Variants in IQCM observed in about 807,000 individuals in gnomAD.
The protein encoded by IQCM is IQ domain-containing protein M.
A neutral mutation model predicts 57.6 loss-of-function variants in IQCM; 45 were observed. The observed-to-expected ratio is 0.78, with a 90% CI of 0.62 to 1.00. IQCM has a LOEUF of 1.00. Among genes scored for constraint, IQCM ranks in the 50% least tolerant of loss-of-function variants. The pLI is 0.00. For synonymous variants in IQCM, 148 were observed against 158.9 expected (o/e 0.93, Z 0.51); for missense variants, 468 against 511.6 (o/e 0.91, Z 0.82).
At chr4:149,724,468 C>G (rs529212953) in intron 5 of IQCM, among the ~76,000 whole-genome samples, 82 of 152,046 alleles carry the variant, frequency 5.4e-4, no homozygotes, top group Non-Finnish European at 1.1e-3. Flanking sequence ...AACACTCTCT[C>G]TTTCTCTCTC....
At chr4:149,469,330 C>G (rs1300535456) in intron 12 of IQCM, among the ~76,000 whole-genome samples, 2 of 152,138 alleles carry the variant, frequency 1.3e-5, no homozygotes, top group Admixed American at 6.6e-5. Context: ...GACGAATCCA[C>G]AAGCTTCAGC....
chr4:149,505,789 T>C (rs943923132), intron 12 of IQCM, among the ~76,000 whole-genome samples: 1 of 152,208 alleles, frequency 6.6e-6, no homozygotes, highest in Non-Finnish European at 1.5e-5. Context: ...AGAAAATCAA[T>C]ATAAAAAATC....
intron 12 of IQCM, among the ~76,000 whole-genome samples, chr4:149,534,169 T>G (rs927549967): frequency 1.6e-4 from 25 of 152,136 alleles, no homozygotes; most frequent in Admixed American, 7.9e-4. Flanking sequence ...TACAATTTAT[T>G]TAAACACATA....
At chr4:149,471,221 G>C (rs1206955825) in intron 12 of IQCM, among the ~76,000 whole-genome samples, 1 of 152,052 alleles carries the variant, frequency 6.6e-6, no homozygotes, top group East Asian at 1.9e-4. Context: ...TAGACCTCTA[G>C]CAAGACCAAC....
intron 12 of IQCM, among the ~76,000 whole-genome samples, chr4:149,462,447 G>A (rs1455653198): frequency 6.6e-6 from 1 of 152,136 alleles, no homozygotes; most frequent in African/African-American, 2.4e-5. Flanking sequence ...AAAAACATAG[G>A]AGGTAGAGGA....
Position 149,733,521 on chromosome 4 carries a change from C to T in IQCM, c.121-13G>A, listed in dbSNP as rs1766657505. On this transcript the variant is annotated splice_polypyrimidine_tract_variant and intron_variant, in intron 4 of 13. Coordinates refer to ENST00000636793, the MANE Select transcript of IQCM (RefSeq NM_001363507.2). ...CTTGAACTTTATTCTATGAATAAAA[C>T]AAAAATAGATTTTGGCAAAATTTAA... The T allele has an allele frequency of 1.7e-6, 2 of 1,204,438 alleles. No individual in the cohort carries two copies. The highest frequency in any genetic ancestry group is 2.1e-6 in the Non-Finnish European group (2 of 962,982). 74.6% of individuals were successfully genotyped at this position (1,204,438 alleles called of 1,614,324 possible).
intron 12 of IQCM, among the ~76,000 whole-genome samples, chr4:149,534,086 T>C (rs1439383179): frequency 6.6e-6 from 1 of 152,186 alleles, no homozygotes; most frequent in Non-Finnish European, 1.5e-5. Flanking sequence ...CTTTAATCCA[T>C]TCAAATCTAT....
At chr4:149,670,884 T>A (rs1761202270) in intron 7 of IQCM, among the ~76,000 whole-genome samples, 1 of 152,106 alleles carries the variant, frequency 6.6e-6, no homozygotes, top group Non-Finnish European at 1.5e-5. Context: ...TTTGCCAGTA[T>A]TTTACTGAGG....
At chr4:149,374,277 T>C (rs1442747006) in intron 13 of IQCM, among the ~76,000 whole-genome samples, 1 of 152,166 alleles carries the variant, frequency 6.6e-6, no homozygotes, top group East Asian at 1.9e-4. Flanking sequence ...CATCTATTTA[T>C]TTATCTATCT....
chr4:149,708,522 C>T (rs1188063180), intron 5 of IQCM, among the ~76,000 whole-genome samples: 3 of 151,714 alleles, frequency 2.0e-5, no homozygotes, highest in Non-Finnish European at 4.4e-5. Context: ...TATTATAAAC[C>T]ATTATATGTG....
intron 5 of IQCM, among the ~76,000 whole-genome samples, chr4:149,722,238 G>A (rs1233381239): frequency 6.6e-6 from 1 of 152,016 alleles, no homozygotes; most frequent in Admixed American, 6.6e-5. Context: ...CTCCCATTCT[G>A]TAGTTTATCT....
At chr4:149,421,332 GA>G (rs1734107909) in intron 13 of IQCM, among the ~76,000 whole-genome samples, 1 of 151,330 alleles carries the variant, frequency 6.6e-6, no homozygotes, top group Non-Finnish European at 1.5e-5. Context: ...AACTTACACT[GA>G]AAAAAAAGTG....
intron 9 of IQCM, among the ~76,000 whole-genome samples, chr4:149,568,178 T>A (rs548899835): frequency 6.6e-6 from 1 of 152,188 alleles, no homozygotes; most frequent in East Asian, 1.9e-4. Flanking sequence ...CTGATTTCCC[T>A]CTCCCACAGG....
chr4:149,683,032 T>C (rs1482365896), intron 6 of IQCM, among the ~76,000 whole-genome samples: 1 of 151,222 alleles, frequency 6.6e-6, no homozygotes, highest in Non-Finnish European at 1.5e-5. Context: ...ATACTATTAT[T>C]TTGCACTAAT....
intron 7 of IQCM, among the ~76,000 whole-genome samples, chr4:149,675,045 A>G (rs535716523): frequency 1.2e-3 from 189 of 152,216 alleles, no homozygotes; most frequent in African/African-American, 4.4e-3. Context: ...TTTCTAGACC[A>G]TAACTATTGG....
At chr4:149,793,710 A>G (rs564144386) in intron 2 of IQCM, 1 of 152,294 alleles carries the variant, frequency 6.6e-6, no homozygotes, top group African/African-American at 2.4e-5. Flanking sequence ...TCAGTCCATG[A>G]TAGAATCTAT....
intron 13 of IQCM, among the ~76,000 whole-genome samples, chr4:149,372,506 T>G (rs1407046330): frequency 2.0e-5 from 3 of 151,972 alleles, no homozygotes; most frequent in Non-Finnish European, 4.4e-5. Context: ...AAAGCCTCAT[T>G]CAAATATGGG....
chr4:149,453,636 CAGGT>C (rs1737367746), intron 12 of IQCM, among the ~76,000 whole-genome samples: 1 of 151,824 alleles, frequency 6.6e-6, no homozygotes, highest in Non-Finnish European at 1.5e-5. Context: ...TCATAGTCAT[CAGGT>C]AAAGGTAAAT....
intron 12 of IQCM, among the ~76,000 whole-genome samples, chr4:149,437,404 A>G (rs1474935728): frequency 1.3e-5 from 2 of 152,246 alleles, no homozygotes; most frequent in Non-Finnish European, 2.9e-5. Flanking sequence ...ACCACCATTT[A>G]TAAACTGATG....
Sources: allele counts gnomAD v4.1 joint callset (sites outside exome capture counted in the v4.1 genomes callset), GRCh38; gene constraint gnomAD v4.1.1; transcripts MANE v1.5; gene names NCBI Gene and HGNC (gene_info 2026-07-23, HGNC 2026-07-21).